The following ZRANB3 variants were observed in gnomAD, a reference collection of about 807,000 sequenced individuals.
The protein encoded by ZRANB3 is zinc finger RANBP2-type containing 3.
In ZRANB3, 125 loss-of-function variants were observed where a neutral mutation model predicts 133.8. The observed-to-expected ratio is 0.93, with a 90% confidence interval of 0.81 to 1.08. The LOEUF (loss-of-function observed/expected upper bound fraction) is 1.08, where lower values mean the gene tolerates loss of function less well. ZRANB3 is among the 50% of genes least tolerant of loss of function. The pLI is 0.00. For missense variants in ZRANB3, 1,229 were observed against 1,275.5 expected (o/e 0.96, Z 0.56); for synonymous variants, 387 against 432.7 (o/e 0.89, Z 1.31).
chr2:135,329,368 TAG>T (rs1558920878), intron 6 of ZRANB3, among the ~76,000 whole-genome samples: 1 of 152,210 alleles, frequency 6.6e-6, no homozygotes, highest in Non-Finnish European at 1.5e-5. Flanking sequence ...CAGATGGTTG[TAG>T]ATGTGTGGTG....
chr2:135,234,068 G>C (rs375673961), intron 12 of ZRANB3, among the ~76,000 whole-genome samples: 1 of 151,990 alleles, frequency 6.6e-6, no homozygotes, highest in Non-Finnish European at 1.5e-5. Flanking sequence ...GCAGAGACAC[G>C]CATAGGCTCA....
At chr2:135,292,768 T>C (rs1339790630) in intron 8 of ZRANB3, among the ~76,000 whole-genome samples, 3 of 152,240 alleles carry the variant, frequency 2.0e-5, no homozygotes, top group Non-Finnish European at 4.4e-5. Flanking sequence ...AATTAATTTT[T>C]GTATAAGGTG....
In ZRANB3 at chr2:135,385,713, A is replaced by C. The variant is rs183218494; in HGVS notation, c.180+5089T>G. On this transcript the variant is annotated intron_variant, in intron 3 of 20. Coordinates refer to ENST00000264159, the MANE Select transcript of ZRANB3 (RefSeq NM_032143.4). The stretch of plus-strand genomic sequence containing the variant: ...ATCTGCAACCATCTGGTCTTTGACA[A>C]ACCTGACAAAAACAAAAAATGGGGA... 1.4e-3 allele frequency among the ~76,000 whole-genome samples: 211 copies of C among 152,332 alleles called. 1 individual carries two copies. The highest frequency in any genetic ancestry group is 0.012 in the South Asian group (57 of 4,822).
At chr2:135,233,225 A>G (rs1368247211) in intron 12 of ZRANB3, among the ~76,000 whole-genome samples, 1 of 152,224 alleles carries the variant, frequency 6.6e-6, no homozygotes, top group Non-Finnish European at 1.5e-5. Context: ...AAATGAAGCG[A>G]GCAGAGAAAT....
intron 10 of ZRANB3, among the ~76,000 whole-genome samples, chr2:135,270,171 T>C (rs1416599309): frequency 1.3e-5 from 2 of 152,132 alleles, no homozygotes; most frequent in Non-Finnish European, 2.9e-5. Context: ...TGTACTGCTA[T>C]TTAGGACTGA....
chr2:135,201,277 T>C (rs1227775720), intron 20 of ZRANB3, among the ~76,000 whole-genome samples: 1 of 152,190 alleles, frequency 6.6e-6, no homozygotes, highest in East Asian at 1.9e-4. Flanking sequence ...GCTAATAACT[T>C]GCACATCTGA....
chr2:135,395,603 G>A (rs1338831606), intron 2 of ZRANB3, among the ~76,000 whole-genome samples: 1 of 151,804 alleles, frequency 6.6e-6, no homozygotes, highest in South Asian at 2.1e-4. Flanking sequence ...GACAACAGGC[G>A]CACACCACGA....
chr2:135,447,137 C>T (rs1161764006), intron 2 of ZRANB3, among the ~76,000 whole-genome samples: 3 of 152,038 alleles, frequency 2.0e-5, no homozygotes, highest in East Asian at 1.9e-4. Flanking sequence ...CTCCACCTCC[C>T]GGGTTCAAAT....
chr2:135,388,194 G>A lies in ZRANB3; in HGVS notation c.180+2608C>T, dbSNP rs181291296. On this transcript the variant is annotated intron_variant, in intron 3 of 20. Transcript: ENST00000264159. ...CCCATTTATAAAACCATCAGATCTC[G>A]TGAGACTTACTGGCTATCATGAGAA... Among the ~76,000 whole-genome samples, 31 of 152,276 alleles carry A rather than the reference G, an allele frequency of 2.0e-4. No homozygotes were observed. In the East Asian group the frequency reaches 4.8e-3, roughly 24 times the overall value.
chr2:135,510,654 A>G, intron 1 of ZRANB3: 1 of 784,344 alleles, frequency 1.3e-6, no homozygotes, highest in East Asian at 2.5e-5. Context: ...GAGGGCCTCC[A>G]GGTCCCCTAA....
chr2:135,426,864 ATATATATATATATATATATATATATATAT>A lies in ZRANB3; in HGVS notation c.162-36073_162-36045del, dbSNP rs1476957690. On this transcript the variant is annotated intron_variant, in intron 2 of 20. Transcript: ENST00000264159. The stretch of plus-strand genomic sequence containing the variant: ...AAAAAAAAAAAAAAAAAAAAAAAAA[ATATATATATATATATATATATATATATAT>A]ATATATATATATATATATGTGCAAA... Among the ~76,000 whole-genome samples the A allele has an allele frequency of 1.3e-3, 6 of 4,574 alleles. 2 individuals carry two copies. Among genetic ancestry groups the A allele is most frequent in the Admixed American group, 7.5e-3 (2 of 266 alleles). The allele number at this position is 4,574 out of a possible 152,430, so 3.0% of individuals were successfully genotyped here.
At chr2:135,505,348 G>A (rs1442748865) in intron 1 of ZRANB3, among the ~76,000 whole-genome samples, 2 of 152,104 alleles carry the variant, frequency 1.3e-5, no homozygotes, top group African/African-American at 4.8e-5. Flanking sequence ...GGCCGAGGTG[G>A]GTGGATCATG....
At chr2:135,228,095 TATAAAA>T in intron 13 of ZRANB3, 80 bp from the exon 14 acceptor site, 1 of 1,205,416 alleles carries the variant, frequency 8.3e-7, no homozygotes, top group Non-Finnish European at 1.1e-6. Flanking sequence ...AGTTAGGTCT[TATAAAA>T]AGAAAGTGAA....
intron 2 of ZRANB3, among the ~76,000 whole-genome samples, chr2:135,469,734 C>T (rs141415484): frequency 0.025 from 3,754 of 152,168 alleles, 77 homozygotes; most frequent in Middle Eastern, 0.037. Flanking sequence ...ATATTTGGGC[C>T]GGGCACGGTG....
chr2:135,300,477 AC>A lies in ZRANB3; in HGVS notation c.966+13011del, dbSNP rs1464294064. On this transcript the variant is annotated intron_variant, in intron 8 of 20. Transcript: ENST00000264159. ...TATTTCTAAAATGATGCTACAGAGTACAAAGAAAATTTCTACTATCTAACAG... is the reference window on the plus strand; with the variant it reads ...TATTTCTAAAATGATGCTACAGAGTAAAAGAAAATTTCTACTATCTAACAG... Among the ~76,000 whole-genome samples, 5 of 152,342 alleles carry A rather than the reference AC, an allele frequency of 3.3e-5. No individual in the cohort carries two copies. The East Asian group carries it at 9.6e-4, about 29-fold the overall frequency.
intron 7 of ZRANB3, 69 bp from the exon 8 acceptor site, chr2:135,313,674 A>C: frequency 1.1e-6 from 1 of 935,714 alleles, no homozygotes; most frequent in Non-Finnish European, 1.6e-6. Context: ...TGCAATCATG[A>C]ATCATGTCCT....
At chr2:135,277,756 C>T (rs1249792312) in intron 8 of ZRANB3, among the ~76,000 whole-genome samples, 1 of 151,968 alleles carries the variant, frequency 6.6e-6, no homozygotes, top group Non-Finnish European at 1.5e-5. Flanking sequence ...GAAACCCCGT[C>T]TCTACTAAAA....
intron 19 of ZRANB3, among the ~76,000 whole-genome samples, chr2:135,206,936 G>C (rs547538798): frequency 6.6e-6 from 1 of 152,006 alleles, no homozygotes; most frequent in South Asian, 2.1e-4. Context: ...AGGCTGAGGC[G>C]GGTGGATCAC....
intron 4 of ZRANB3, 89 bp from the exon 5 acceptor site, chr2:135,350,304 A>G: frequency 1.2e-6 from 1 of 869,446 alleles, no homozygotes; most frequent in Non-Finnish European, 1.7e-6. Context: ...AATACAGAGG[A>G]GAAGAAAGAA....
Sources: gnomAD v4.1 joint callset for allele counts (sites outside exome capture counted in the v4.1 genomes callset) on GRCh38, gnomAD v4.1.1 for gene constraint, MANE v1.5 for transcripts, NCBI Gene and HGNC (gene_info 2026-07-23, HGNC 2026-07-21) for gene names.